The following BABAM2 variants were observed in gnomAD, a reference collection of about 807,000 sequenced individuals.
BABAM2 encodes BRISC and BRCA1-A complex member 2.
In BABAM2, 31 loss-of-function variants were observed where a neutral mutation model predicts 54.7. The ratio of observed to expected loss-of-function variants is 0.57; its 90% confidence interval spans 0.43 to 0.77. The LOEUF (loss-of-function observed/expected upper bound fraction) is 0.77. BABAM2 is among the 30% of genes least tolerant of loss of function. The pLI is 0.00. For synonymous variants in BABAM2, 167 were observed against 162.9 expected, an observed-to-expected ratio of 1.03 and a Z score of -0.19; for missense variants, 364 against 455.8, an observed-to-expected ratio of 0.80 and a Z score of 1.83.
intron 4 of BABAM2, among the ~76,000 whole-genome samples, chr2:27,997,109 ATGTT>A (rs1237984407): frequency 6.6e-6 from 1 of 152,174 alleles, no homozygotes; most frequent in African/African-American, 2.4e-5. Flanking sequence ...ATTAATAAAA[ATGTT>A]TGATATTAAT....
chr2:27,915,011 C>T (rs1411070256), intron 2 of BABAM2, among the ~76,000 whole-genome samples: 1 of 152,060 alleles, frequency 6.6e-6, no homozygotes, highest in Admixed American at 6.6e-5. Flanking sequence ...ATATTCTTCT[C>T]TTTGTTTCCC....
At chr2:27,941,479 C>T (rs1421698127) in intron 3 of BABAM2, among the ~76,000 whole-genome samples, 6 of 151,738 alleles carry the variant, frequency 4.0e-5, no homozygotes, top group African/African-American at 9.7e-5. Flanking sequence ...TCACTTGAAC[C>T]TGGGAGGCGG....
At chr2:28,141,285 A>C (rs1368372780) in intron 7 of BABAM2, among the ~76,000 whole-genome samples, 1 of 151,024 alleles carries the variant, frequency 6.6e-6, no homozygotes, top group Admixed American at 6.6e-5. Context: ...ATCATTTAGT[A>C]AACTTGTTCT....
intron 3 of BABAM2, among the ~76,000 whole-genome samples, chr2:27,978,612 C>T (rs1671763230): frequency 6.6e-6 from 1 of 152,126 alleles, no homozygotes; most frequent in Non-Finnish European, 1.5e-5. Flanking sequence ...GGCAGAAAAC[C>T]AGTCATTTAC....
chr2:28,090,147 A>G (rs1040296894), intron 6 of BABAM2, among the ~76,000 whole-genome samples: 17 of 152,306 alleles, frequency 1.1e-4, no homozygotes, highest in Admixed American at 5.9e-4. Context: ...CTCCTAGTAC[A>G]TGAGTAAAAG....
chr2:27,955,704 T>C (rs1670034439), intron 3 of BABAM2, among the ~76,000 whole-genome samples: 1 of 152,252 alleles, frequency 6.6e-6, no homozygotes, highest in Non-Finnish European at 1.5e-5. Flanking sequence ...CTTCTCTGTG[T>C]TTTATTCCCT....
intron 10 of BABAM2, among the ~76,000 whole-genome samples, chr2:28,252,292 G>T (rs1573935247): frequency 1.3e-5 from 2 of 151,930 alleles, no homozygotes; most frequent in Admixed American, 1.3e-4. Context: ...AATGATAAAA[G>T]AATATGGAAA....
chr2:28,272,575 G>A (rs896708059), intron 10 of BABAM2, among the ~76,000 whole-genome samples: 1 of 152,140 alleles, frequency 6.6e-6, no homozygotes, highest in African/African-American at 2.4e-5. Flanking sequence ...GCTCCAAAGA[G>A]TGGTGGGAGC....
chr2:28,198,206 CTGGA>C (rs1274637451), intron 7 of BABAM2, among the ~76,000 whole-genome samples: 8 of 151,598 alleles, frequency 5.3e-5, no homozygotes, highest in South Asian at 2.1e-4. Flanking sequence ...GTCACCCAGG[CTGGA>C]TGGAGTGCAG....
intron 10 of BABAM2, among the ~76,000 whole-genome samples, chr2:28,262,027 C>T (rs1684585757): frequency 6.6e-6 from 1 of 152,104 alleles, no homozygotes; most frequent in Non-Finnish European, 1.5e-5. Context: ...TCTAGGCATA[C>T]ACCAGATGTT....
intron 7 of BABAM2, among the ~76,000 whole-genome samples, chr2:28,183,082 T>G (rs1675818092): frequency 6.6e-6 from 1 of 152,218 alleles, no homozygotes; most frequent in African/African-American, 2.4e-5. Context: ...GCTTTGTTTT[T>G]TTCTTAAGTA....
At chr2:28,191,187 T>A (rs1229551402) in intron 7 of BABAM2, among the ~76,000 whole-genome samples, 1 of 152,144 alleles carries the variant, frequency 6.6e-6, no homozygotes, top group Non-Finnish European at 1.5e-5. Context: ...GAAATGCAAA[T>A]TAAAGCCACA....
At chr2:27,976,707 A>T (rs1671631869) in intron 3 of BABAM2, among the ~76,000 whole-genome samples, 1 of 152,224 alleles carries the variant, frequency 6.6e-6, no homozygotes, top group Non-Finnish European at 1.5e-5. Context: ...TTTACTGTGT[A>T]TAAAGTTAAA....
chr2:28,016,073 G>A, intron 4 of BABAM2: 1 of 768,216 alleles, frequency 1.3e-6, no homozygotes, highest in Non-Finnish European at 2.2e-6. Context: ...GAAGATTTAT[G>A]TGAACGGTTC....
chr2:28,083,757 T>C (rs1665390609), intron 6 of BABAM2, among the ~76,000 whole-genome samples: 1 of 152,184 alleles, frequency 6.6e-6, no homozygotes, highest in Admixed American at 6.5e-5. Context: ...ATACTGACTC[T>C]TATCTTTGTC....
intron 7 of BABAM2, among the ~76,000 whole-genome samples, chr2:28,187,114 C>G (rs1487651082): frequency 1.3e-5 from 2 of 152,160 alleles, no homozygotes; most frequent in Admixed American, 6.6e-5. Context: ...CGGAATTCAA[C>G]ATTTTTAATA....
chr2:27,932,697 T>C (rs1668182730), intron 3 of BABAM2, among the ~76,000 whole-genome samples: 1 of 152,200 alleles, frequency 6.6e-6, no homozygotes, highest in African/African-American at 2.4e-5. Flanking sequence ...GAGGAGCTTT[T>C]GCTTACTCTT....
chr2:28,157,917 A>G (rs1163898867), intron 7 of BABAM2, among the ~76,000 whole-genome samples: 1 of 152,120 alleles, frequency 6.6e-6, no homozygotes, highest in East Asian at 1.9e-4. Context: ...CCAACAAATT[A>G]TTTAAGGACC....
intron 10 of BABAM2, among the ~76,000 whole-genome samples, chr2:28,295,845 C>T (rs1467922727): frequency 2.0e-5 from 3 of 151,984 alleles, no homozygotes; most frequent in Admixed American, 6.5e-5. Context: ...CGGTGGTTCA[C>T]GCCTGTAATC....
Sources: gnomAD v4.1 joint callset for allele counts (sites outside exome capture counted in the v4.1 genomes callset) on GRCh38, gnomAD v4.1.1 for gene constraint, MANE v1.5 for transcripts, NCBI Gene and HGNC (gene_info 2026-07-23, HGNC 2026-07-21) for gene names.